The following PRKCD variants were observed in gnomAD, a reference collection of about 807,000 sequenced individuals.
PRKCD encodes the protein protein kinase C delta.
A neutral mutation model predicts 82.2 loss-of-function variants in PRKCD; 20 were observed. The observed-to-expected ratio is 0.24, with a 90% CI of 0.17 to 0.35. The LOEUF is 0.35. Among genes scored for constraint, PRKCD ranks in the 10% least tolerant of loss-of-function variants. The probability of loss-of-function intolerance (pLI) is 1.00; values close to 1 mark genes in which losing one functional copy is unlikely to be tolerated. For missense variants in PRKCD, 607 were observed against 899.0 expected (o/e 0.68, Z 4.15); for synonymous variants, 317 against 337.0 (o/e 0.94, Z 0.65).
intron 2 of PRKCD, among the ~76,000 whole-genome samples, chr3:53,167,886 G>T (rs1267345400): frequency 6.6e-6 from 1 of 152,214 alleles, no homozygotes; most frequent in Non-Finnish European, 1.5e-5. Context: ...TGTTCAGTAG[G>T]TTCCATGCCC....
At chr3:53,183,051 G>C in intron 7 of PRKCD, 70 bp from the exon 8 acceptor site, 2 of 1,510,056 alleles carry the variant, frequency 1.3e-6, no homozygotes, top group Admixed American at 3.4e-5. Context: ...CTGGTCGGCA[G>C]GCACCAGCTC....
At chr3:53,188,968 T>C (rs1229220780) in intron 16 of PRKCD, 90 bp from the exon 17 acceptor site, 32 of 1,574,260 alleles carry the variant, frequency 2.0e-5, no homozygotes, top group Non-Finnish European at 2.6e-5. Context: ...GCCCATAGGC[T>C]GAGGCGGCCT....
At position 53,179,601 on chromosome 3, in the gene PRKCD, A is replaced by G. The variant is rs1553666756; in HGVS notation, c.140A>G (p.Lys47Arg). 3 of 1,614,104 alleles carry G rather than the reference A, an allele frequency of 1.9e-6. No individual in the cohort carries two copies. The highest frequency in any genetic ancestry group is 2.2e-5 in the East Asian group (1 of 44,898). ...GAGCGTGGGAAAACACTGGTGCAGAAGAAGCCGACCATGTATCCTGAGTGG... is the reference window on the plus strand; with the variant it reads ...GAGCGTGGGAAAACACTGGTGCAGAGGAAGCCGACCATGTATCCTGAGTGG... Reference protein sequence around the residue: ...STERGKTLVQKKPTMYPEWKS... With the variant: ...STERGKTLVQRKPTMYPEWKS... The change falls in exon 4 of 19, where the codon AAG becomes AGG. Residue 47 changes from lysine (K) to arginine (R), a missense_variant. Physicochemically the swap from Lys to Arg is conservative, Grantham distance 26. Coordinates refer to ENST00000330452, the MANE Select transcript of PRKCD (RefSeq NM_006254.4).
At chr3:53,164,754 G>A (rs376476818) in intron 1 of PRKCD, among the ~76,000 whole-genome samples, 6 of 152,024 alleles carry the variant, frequency 3.9e-5, no homozygotes, top group Non-Finnish European at 7.3e-5. Context: ...ATAAAGTGGT[G>A]GTACTTTGTT....
intron 3 of PRKCD, among the ~76,000 whole-genome samples, chr3:53,178,799 T>G (rs562685744): frequency 6.6e-6 from 1 of 152,220 alleles, no homozygotes; most frequent in East Asian, 1.9e-4. Flanking sequence ...AATTTTTACA[T>G]GTCCATTTGT....
chr3:53,177,393 T>C (rs977908773), intron 2 of PRKCD, among the ~76,000 whole-genome samples: 1 of 152,166 alleles, frequency 6.6e-6, no homozygotes, highest in African/African-American at 2.4e-5. Flanking sequence ...TCAGGCACAC[T>C]GATGTGGGCA....
intron 9 of PRKCD, among the ~76,000 whole-genome samples, chr3:53,183,941 C>T (rs1553668367): frequency 6.6e-6 from 1 of 150,414 alleles, no homozygotes; most frequent in Non-Finnish European, 1.5e-5. Context: ...AGAGATGAGA[C>T]AGAAGACCCT....
intron 14 of PRKCD, 53 bp downstream of exon 14, chr3:53,186,748 C>A: frequency 3.2e-6 from 2 of 618,298 alleles, no homozygotes; most frequent in South Asian, 5.6e-5. Flanking sequence ...GGGCTACTGG[C>A]TCAGAGCCCA....
intron 18 of PRKCD, among the ~76,000 whole-genome samples, chr3:53,190,465 C>T (rs1374042010): frequency 6.6e-6 from 1 of 151,960 alleles, no homozygotes; most frequent in Non-Finnish European, 1.5e-5. Flanking sequence ...ACACATGATC[C>T]GTTGCTATTG....
chr3:53,186,285 C>T lies in PRKCD; in HGVS notation c.1205C>T (p.Thr402Ile). 6.2e-7 allele frequency: 1 copy of T among 1,614,196 alleles called. No homozygotes were observed. Among genetic ancestry groups the T allele is most frequent in the South Asian group, 1.1e-5 (1 of 91,090 alleles). The change falls in exon 13 of 19, where the codon ACA becomes ATA. Residue 402 changes from threonine (T) to isoleucine (I), a missense_variant. Transcript: ENST00000330452. The stretch of plus-strand genomic sequence containing the variant: ...ACCATGGTTGAGAAGCGGGTGCTGA[C>T]ACTTGCCGCAGAGAATCCCTTTCTC... Reference protein sequence around the residue: ...ECTMVEKRVLTLAAENPFLTH... With the variant: ...ECTMVEKRVLILAAENPFLTH...
rs781815061 is a variant in PRKCD, at chr3:53,179,686, G to C, written c.225G>C (p.Arg75=). The C allele has an allele frequency of 3.7e-6, 6 of 1,611,662 alleles. No individual in the cohort carries two copies. The South Asian group carries it at 6.6e-5, about 18-fold the overall frequency. Residue 75 remains arginine (R), a synonymous_variant, in exon 4 of 19, where the codon CGG becomes CGC. Transcript: ENST00000330452. ...EGRVIQIVLM[R]AAEEPVSEVT... Reference sequence around the variant, plus strand: ...GCGTCATCCAGATTGTGCTAATGCGGGCAGCAGAGGAGCCAGTGTCTGAGG... The same window carrying C: ...GCGTCATCCAGATTGTGCTAATGCGCGCAGCAGAGGAGCCAGTGTCTGAGG...
intron 2 of PRKCD, among the ~76,000 whole-genome samples, chr3:53,171,627 G>C (rs1703034853): frequency 6.6e-6 from 1 of 152,268 alleles, no homozygotes. Flanking sequence ...GAGGTTACCA[G>C]TGGGAAAGCA....
chr3:53,186,084 A>G, intron 12 of PRKCD, 57 bp downstream of exon 12: 1 of 1,609,156 alleles, frequency 6.2e-7, no homozygotes, highest in Middle Eastern at 1.7e-4. Context: ...CTTCCCGCTT[A>G]GGTGGCTGAG....
At chr3:53,167,885 G>A (rs868945316) in intron 2 of PRKCD, among the ~76,000 whole-genome samples, 2 of 152,310 alleles carry the variant, frequency 1.3e-5, no homozygotes, top group African/African-American at 4.8e-5. Flanking sequence ...TTGTTCAGTA[G>A]GTTCCATGCC....
At chr3:53,166,060 A>G (rs1281984764) in intron 2 of PRKCD, among the ~76,000 whole-genome samples, 20 of 152,146 alleles carry the variant, frequency 1.3e-4, no homozygotes, top group African/African-American at 4.8e-4. Flanking sequence ...TCTTTCCTCC[A>G]GGAGTGCTCC....
Position 53,181,616 on chromosome 3 carries a change from G to A in PRKCD, c.539+10G>A, listed in dbSNP as rs1437629018. On this transcript the variant is annotated intron_variant, in intron 6 of 18. Transcript: ENST00000330452. ...GCAAAGACTTTGTCTGGTGAGAACCGGCCATGCCCACTGGTGGTGGTGCAG... is the reference window on the plus strand; with the variant it reads ...GCAAAGACTTTGTCTGGTGAGAACCAGCCATGCCCACTGGTGGTGGTGCAG... 5.6e-6 allele frequency: 9 copies of A among 1,614,168 alleles called. No individual in the cohort carries two copies. The highest frequency in any genetic ancestry group is 4.5e-5 in the East Asian group (2 of 44,878).
rs1553662910 is a variant in PRKCD, at chr3:53,161,360, G to C, written c.-200G>C. The C allele has an allele frequency of 6.6e-6, 1 of 150,460 alleles. No individual in the cohort carries two copies. The highest frequency in any genetic ancestry group is 2.4e-5 in the African/African-American group (1 of 41,172). The allele number at this position is 150,460 out of a possible 1,614,324, so 9.3% of individuals were successfully genotyped here. On this transcript the variant is annotated 5_prime_UTR_variant, in exon 1 of 19. Transcript: ENST00000330452. The stretch of plus-strand genomic sequence containing the variant: ...GTCAGCGCCGCGCCGAACCCCGTCC[G>C]CGCGCGCCGGGGAGCGGCGCCCCCG...
rs1575536267 is a variant in PRKCD, at chr3:53,181,745, A to G, written c.571+13A>G. On this transcript the variant is annotated intron_variant, in intron 7 of 18. Coordinates refer to ENST00000330452, the MANE Select transcript of PRKCD (RefSeq NM_006254.4). ...TACAAATGCAGGCGTAAGTGTCTCC[A>G]CAGGCCAGTTTGTACGTATGTACCC... 6.2e-7 allele frequency: 1 copy of G among 1,614,136 alleles called. No individual in the cohort carries two copies. Among genetic ancestry groups the G allele is most frequent in the Non-Finnish European group, 8.5e-7 (1 of 1,180,026 alleles).
intron 2 of PRKCD, among the ~76,000 whole-genome samples, chr3:53,173,212 A>ATAC (rs1703097994): frequency 6.6e-6 from 1 of 152,228 alleles, no homozygotes. Flanking sequence ...GATGTGCAGC[A>ATAC]CACATACTTG....
Sources: gnomAD v4.1 joint callset for allele counts (sites outside exome capture counted in the v4.1 genomes callset) on GRCh38, gnomAD v4.1.1 for gene constraint, MANE v1.5 for transcripts, NCBI Gene and HGNC (gene_info 2026-07-23, HGNC 2026-07-21) for gene names.